The following PDE10A variants were observed in gnomAD, a reference collection of about 807,000 sequenced individuals.
PDE10A encodes the protein cAMP and cAMP-inhibited cGMP 3',5'-cyclic phosphodiesterase 10A.
Under a neutral mutation model 97.7 loss-of-function variants are expected in PDE10A, and 39 were observed. The ratio of observed to expected loss-of-function variants is 0.40; its 90% confidence interval spans 0.31 to 0.52. The LOEUF (loss-of-function observed/expected upper bound fraction) is 0.52, where lower values mean the gene tolerates loss of function less well. PDE10A is among the 20% of genes least tolerant of loss of function. PDE10A has a pLI of 0.56. For synonymous variants in PDE10A, 371 were observed against 376.8 expected (o/e 0.98, Z 0.18); for missense variants, 731 against 1,047.8 (o/e 0.70, Z 4.17).
chr6:165,494,097 G>A (rs1352249470), intron 2 of PDE10A, among the ~76,000 whole-genome samples: 3 of 152,044 alleles, frequency 2.0e-5, no homozygotes, highest in Non-Finnish European at 4.4e-5. Context: ...CCAAGGAACT[G>A]CAAATCAAAA....
chr6:165,677,816 T>C (rs1790842233), intron 1 of PDE10A, among the ~76,000 whole-genome samples: 1 of 152,112 alleles, frequency 6.6e-6, no homozygotes, highest in South Asian at 2.1e-4. Context: ...CATGTGTTTG[T>C]ATATATGTGT....
chr6:165,716,987 T>G (rs1406124468), intron 1 of PDE10A, among the ~76,000 whole-genome samples: 2 of 152,200 alleles, frequency 1.3e-5, no homozygotes, highest in Admixed American at 1.3e-4. Context: ...TATTAAACAC[T>G]AATTTCCCAT....
chr6:165,981,077 G>A (rs1485284827), intron 1 of PDE10A, among the ~76,000 whole-genome samples: 1 of 152,136 alleles, frequency 6.6e-6, no homozygotes, highest in Admixed American at 6.5e-5. Flanking sequence ...AGGGTCAGGT[G>A]CATGTTTGTT....
intron 13 of PDE10A, among the ~76,000 whole-genome samples, chr6:165,402,586 G>T (rs1204991107): frequency 1.3e-5 from 2 of 152,118 alleles, no homozygotes. Flanking sequence ...TGTCCAAGTA[G>T]AAGAGAATTC....
At chr6:165,917,296 G>A (rs1051451246) in intron 1 of PDE10A, among the ~76,000 whole-genome samples, 1 of 141,198 alleles carries the variant, frequency 7.1e-6, no homozygotes, top group East Asian at 2.0e-4. Flanking sequence ...GGCGTACAGC[G>A]GTCTCACTGC....
chr6:165,644,110 CA>C (rs1789275670), intron 1 of PDE10A, among the ~76,000 whole-genome samples: 2 of 152,162 alleles, frequency 1.3e-5, no homozygotes, highest in Admixed American at 1.3e-4. Flanking sequence ...GGCTGGAGTG[CA>C]GTGGCGTGAT....
chr6:165,508,864 A>G (rs550097246), intron 2 of PDE10A, among the ~76,000 whole-genome samples: 19 of 152,168 alleles, frequency 1.2e-4, no homozygotes, highest in Non-Finnish European at 2.1e-4. Context: ...TGAAGCTATC[A>G]TAATAGTCCA....
intron 1 of PDE10A, among the ~76,000 whole-genome samples, chr6:165,784,260 T>C (rs954433590): frequency 6.7e-6 from 1 of 150,024 alleles, no homozygotes; most frequent in African/African-American, 2.4e-5. Context: ...AAAGAAAAGG[T>C]GTTTGCCTTT....
Position 165,540,512 on chromosome 6 carries a change from T to C in PDE10A, c.994+2928A>G, listed in dbSNP as rs192670371. 2.6e-5 allele frequency among the ~76,000 whole-genome samples: 4 copies of C among 152,346 alleles called. No individual in the cohort carries two copies. In the East Asian group the frequency reaches 7.7e-4, roughly 29 times the overall value. ...AATATCTTCTATCTGCCACAGTTTC[T>C]GTTCCTGGTTCCACTCATGGAAATG... On this transcript the variant is annotated intron_variant, in intron 2 of 21. Coordinates refer to ENST00000539869, the MANE Select transcript of PDE10A (RefSeq NM_001385079.1).
At chr6:165,835,532 T>G (rs1414673822) in intron 1 of PDE10A, among the ~76,000 whole-genome samples, 1 of 152,246 alleles carries the variant, frequency 6.6e-6, no homozygotes, top group East Asian at 1.9e-4. Flanking sequence ...CCTGCTGGTC[T>G]AAGCTCGTGG....
At chr6:165,685,071 C>T (rs1378331382) in intron 1 of PDE10A, among the ~76,000 whole-genome samples, 3 of 152,094 alleles carry the variant, frequency 2.0e-5, no homozygotes, top group Non-Finnish European at 2.9e-5. Context: ...CTTAAAAAAT[C>T]GCTATGTGAT....
chr6:165,520,189 G>A (rs1327495992), intron 2 of PDE10A, among the ~76,000 whole-genome samples: 1 of 152,130 alleles, frequency 6.6e-6, no homozygotes, highest in Admixed American at 6.6e-5. Context: ...GACTTATATA[G>A]AGTTCCTTTT....
intron 1 of PDE10A, among the ~76,000 whole-genome samples, chr6:165,966,016 A>G (rs760125244): frequency 1.3e-5 from 2 of 152,268 alleles, no homozygotes; most frequent in Non-Finnish European, 2.9e-5. Context: ...AATCACCGTC[A>G]TCGGAAAACA....
At chr6:165,805,821 A>T (rs529682084) in intron 1 of PDE10A, among the ~76,000 whole-genome samples, 2 of 151,864 alleles carry the variant, frequency 1.3e-5, no homozygotes, top group South Asian at 4.2e-4. Context: ...ATGCTCTAGG[A>T]GGAGCCGGGC....
intron 1 of PDE10A, among the ~76,000 whole-genome samples, chr6:165,839,525 T>G (rs1403280603): frequency 6.6e-6 from 1 of 152,118 alleles, no homozygotes; most frequent in Non-Finnish European, 1.5e-5. Flanking sequence ...AGTCCCCAAT[T>G]CCTATGGAGA....
chr6:165,564,661 A>C (rs191862475), intron 1 of PDE10A, among the ~76,000 whole-genome samples: 26 of 152,332 alleles, frequency 1.7e-4, no homozygotes, highest in African/African-American at 6.0e-4. Flanking sequence ...TACATTTTAT[A>C]CAATGCCTCT....
chr6:165,894,520 G>A (rs755921743), intron 1 of PDE10A: 94 of 455,882 alleles, frequency 2.1e-4, no homozygotes, highest in Non-Finnish European at 3.8e-4. Context: ...GATGTGGGAG[G>A]GAGTTTTAAT....
At chr6:165,967,610 G>T (rs1784550174) in intron 1 of PDE10A, among the ~76,000 whole-genome samples, 1 of 152,220 alleles carries the variant, frequency 6.6e-6, no homozygotes, top group South Asian at 2.1e-4. Flanking sequence ...AGGAAAAGAT[G>T]ATTTGAATAA....
At chr6:165,744,071 T>C (rs1482506444) in intron 1 of PDE10A, among the ~76,000 whole-genome samples, 1 of 152,198 alleles carries the variant, frequency 6.6e-6, no homozygotes, top group Non-Finnish European at 1.5e-5. Context: ...AGGTCATCTA[T>C]TTAAAAGGAA....
Sources: gnomAD v4.1 joint callset for allele counts (sites outside exome capture counted in the v4.1 genomes callset) on GRCh38, gnomAD v4.1.1 for gene constraint, MANE v1.5 for transcripts, NCBI Gene and HGNC (gene_info 2026-07-23, HGNC 2026-07-21) for gene names.